Variants in MAMDC2 observed in about 807,000 individuals in gnomAD.
The protein encoded by MAMDC2 is MAM domain-containing protein 2.
Under a neutral mutation model 89.8 loss-of-function variants are expected in MAMDC2, and 57 were observed. That is an observed-to-expected ratio of 0.63 (90% CI 0.51 to 0.79). The LOEUF (loss-of-function observed/expected upper bound fraction) is 0.79. Among genes scored for constraint, MAMDC2 ranks in the 30% least tolerant of loss-of-function variants. The probability of loss-of-function intolerance (pLI) is 0.00; values close to 1 mark genes in which losing one functional copy is unlikely to be tolerated. For missense variants in MAMDC2, 800 were observed against 820.6 expected (o/e 0.97, Z 0.31); for synonymous variants, 313 against 293.4 (o/e 1.07, Z -0.68).
At chr9:70,193,301 G>T (rs1396951372) in intron 11 of MAMDC2, among the ~76,000 whole-genome samples, 1 of 152,032 alleles carries the variant, frequency 6.6e-6, no homozygotes, top group African/African-American at 2.4e-5. Flanking sequence ...TTTCCATGGA[G>T]GATATATTCT....
intron 2 of MAMDC2, among the ~76,000 whole-genome samples, chr9:70,102,224 G>T (rs1176589152): frequency 1.1e-4 from 17 of 152,110 alleles, no homozygotes. Flanking sequence ...AAATAAAGAA[G>T]CCAGTGATTC....
chr9:70,122,578 G>A (rs1429177910), intron 5 of MAMDC2, among the ~76,000 whole-genome samples: 2 of 152,148 alleles, frequency 1.3e-5, no homozygotes, highest in Non-Finnish European at 2.9e-5. Context: ...CAGGCCCAGT[G>A]TCCTTATGGG....
intron 5 of MAMDC2, among the ~76,000 whole-genome samples, chr9:70,117,520 TG>T (rs2030063031): frequency 6.6e-6 from 1 of 152,206 alleles, no homozygotes; most frequent in South Asian, 2.1e-4. Context: ...GATGGGTTGA[TG>T]GGTGCAGCAA....
At chr9:70,179,873 CT>C (rs5898124) in intron 11 of MAMDC2, among the ~76,000 whole-genome samples, 9,934 of 135,814 alleles carry the variant, frequency 0.073, 565 homozygotes, top group East Asian at 0.22. Flanking sequence ...TAAAATATTC[CT>C]TTTTTTTTTT....
At chr9:70,200,578 A>G (rs1376823888) in intron 11 of MAMDC2, among the ~76,000 whole-genome samples, 3 of 149,878 alleles carry the variant, frequency 2.0e-5, no homozygotes, top group Non-Finnish European at 3.0e-5. Flanking sequence ...GTTTTTTCCA[A>G]TTCTGTGAAG....
intron 12 of MAMDC2, among the ~76,000 whole-genome samples, chr9:70,222,734 G>A (rs1299331033): frequency 6.6e-6 from 1 of 152,034 alleles, no homozygotes; most frequent in Non-Finnish European, 1.5e-5. Flanking sequence ...TTATGCCATT[G>A]AAGTAAAGTG....
At chr9:70,191,152 A>C (rs1199232637) in intron 11 of MAMDC2, among the ~76,000 whole-genome samples, 1 of 152,070 alleles carries the variant, frequency 6.6e-6, no homozygotes. Context: ...GCTTGGGAAA[A>C]GCACTCTTGG....
intron 11 of MAMDC2, chr9:70,188,762 ATTTTT>A (rs10701601): frequency 1.7e-4 from 16 of 95,168 alleles, no homozygotes; most frequent in Non-Finnish European, 1.8e-4. Flanking sequence ...AAAACAATTG[ATTTTT>A]TTTTTTTTTT....
chr9:70,143,041 T>G (rs1437035700), intron 8 of MAMDC2, among the ~76,000 whole-genome samples: 1 of 152,124 alleles, frequency 6.6e-6, no homozygotes, highest in African/African-American at 2.4e-5. Flanking sequence ...AAGGGCAGGT[T>G]TAACATTTGA....
At chr9:70,149,222 A>G (rs2031508828) in intron 9 of MAMDC2, among the ~76,000 whole-genome samples, 1 of 151,182 alleles carries the variant, frequency 6.6e-6, no homozygotes, top group African/African-American at 2.4e-5. Flanking sequence ...AAAAAAAAAA[A>G]AAAGAAATTA....
chr9:70,064,744 G>A (rs1478812876), intron 2 of MAMDC2, among the ~76,000 whole-genome samples: 1 of 152,172 alleles, frequency 6.6e-6, no homozygotes, highest in Non-Finnish European at 1.5e-5. Context: ...ATGCTGGAAG[G>A]TACTCCAAAG....
rs1230254593 is a variant in MAMDC2, at chr9:70,215,271, A to C, written c.1652-3066A>C. ...AAACCACTATGTCCAATGTTACAAA[A>C]ATGACAAAGACTGAAAACTGACCAC... On this transcript the variant is annotated intron_variant, in intron 11 of 13. Coordinates refer to ENST00000377182, the MANE Select transcript of MAMDC2 (RefSeq NM_153267.5). Among the ~76,000 whole-genome samples the C allele has an allele frequency of 4.0e-5, 3 of 75,884 alleles. No individual in the cohort carries two copies. In the East Asian group the frequency reaches 1.4e-3, roughly 35 times the overall value. 49.8% of individuals were successfully genotyped at this position (75,884 alleles called of 152,430 possible). A position where few individuals can be genotyped will look rare whatever the true frequency, so the allele number is the denominator to read the frequency against.
At chr9:70,217,156 G>A in intron 11 of MAMDC2, 1 of 633,474 alleles carries the variant, frequency 1.6e-6, no homozygotes, top group Non-Finnish European at 2.8e-6. Flanking sequence ...ACAGAATATG[G>A]CTCTTCGCCA....
At chr9:70,138,767 A>C (rs1201736041) in intron 7 of MAMDC2, among the ~76,000 whole-genome samples, 2 of 152,142 alleles carry the variant, frequency 1.3e-5, no homozygotes, top group Non-Finnish European at 2.9e-5. Flanking sequence ...GAACAGGGTA[A>C]ATAATACCAG....
At chr9:70,093,424 T>G (rs1179725882) in intron 2 of MAMDC2, among the ~76,000 whole-genome samples, 1 of 147,966 alleles carries the variant, frequency 6.8e-6, no homozygotes, top group Non-Finnish European at 1.5e-5. Flanking sequence ...CAGGGACAGT[T>G]TTTTTTTTTT....
At chr9:70,052,886 C>T (rs1423180911) in intron 2 of MAMDC2, among the ~76,000 whole-genome samples, 1 of 152,202 alleles carries the variant, frequency 6.6e-6, no homozygotes, top group Non-Finnish European at 1.5e-5. Flanking sequence ...CAGTACATGG[C>T]CTGTTTCATC....
rs1563928501 is a variant in MAMDC2, at chr9:70,044,025, C to T, written c.-173C>T. ...CACCTTCCAGCATACCGCTCGGCTCCGGGAGCCGCTCTGCAAAGTTGGGCA... is the reference window on the plus strand; with the variant it reads ...CACCTTCCAGCATACCGCTCGGCTCTGGGAGCCGCTCTGCAAAGTTGGGCA... On this transcript the variant is annotated 5_prime_UTR_variant, in exon 1 of 14. Coordinates refer to ENST00000377182, the MANE Select transcript of MAMDC2 (RefSeq NM_153267.5). 1.4e-6 allele frequency: 1 copy of T among 714,128 alleles called. No homozygotes were observed. Among genetic ancestry groups the T allele is most frequent in the Admixed American group, 2.5e-5 (1 of 39,450 alleles). 44.2% of individuals were successfully genotyped at this position (714,128 alleles called of 1,614,324 possible).
chr9:70,090,900 A>G (rs1324242629), intron 2 of MAMDC2: 4 of 152,198 alleles, frequency 2.6e-5, no homozygotes, highest in Non-Finnish European at 5.9e-5. Context: ...ATACAATGGA[A>G]AGCTATGCTA....
chr9:70,218,548 T>G lies in MAMDC2; in HGVS notation c.1863T>G (p.Ile621Met). The G allele has an allele frequency of 6.2e-7, 1 of 1,614,104 alleles. No individual in the cohort carries two copies. The highest frequency in any genetic ancestry group is 8.5e-7 in the Non-Finnish European group (1 of 1,179,996). ...LLWRRRGEQS[I>M]SWLRALIEYS... ...GGAGGAGAAGAGGTGAACAGAGCAT[T>G]TCCTGGCTACGAGCACTGATTGAAT... is the stretch of plus-strand genomic sequence containing the variant. Residue 621 changes from isoleucine to methionine, a missense_variant, in exon 12 of 14, where the codon ATT becomes ATG. By Grantham distance (10) the Ile-to-Met change is conservative (BLOSUM62 1). Coordinates refer to ENST00000377182, the MANE Select transcript of MAMDC2 (RefSeq NM_153267.5).
Sources: allele counts gnomAD v4.1 joint callset (sites outside exome capture counted in the v4.1 genomes callset), GRCh38; gene constraint gnomAD v4.1.1; transcripts MANE v1.5; gene names NCBI Gene and HGNC (gene_info 2026-07-23, HGNC 2026-07-21).